Variants in TSPAN9 observed in about 807,000 individuals in gnomAD.
TSPAN9 encodes the protein tetraspanin 9.
Under a neutral mutation model 31.0 loss-of-function variants are expected in TSPAN9, and 16 were observed. The ratio of observed to expected loss-of-function variants is 0.52; its 90% CI spans 0.35 to 0.78. TSPAN9 has a LOEUF of 0.78. Among genes scored for constraint, TSPAN9 ranks in the 30% least tolerant of loss-of-function variants. TSPAN9 has a pLI of 0.01. For missense variants in TSPAN9, 272 were observed against 312.5 expected (o/e 0.87, Z 0.98); for synonymous variants, 145 against 121.6 (o/e 1.19, Z -1.27).
At chr12:3,247,218 G>A (rs981839595) in intron 3 of TSPAN9, among the ~76,000 whole-genome samples, 1 of 151,478 alleles carries the variant, frequency 6.6e-6, no homozygotes, top group Admixed American at 6.6e-5. Flanking sequence ...CTTGACAAAG[G>A]CCCATGAAAC....
At chr12:3,197,289 C>T (rs76237234) in intron 2 of TSPAN9, among the ~76,000 whole-genome samples, 12,745 of 152,228 alleles carry the variant, frequency 0.084, 613 homozygotes, top group South Asian at 0.17. Flanking sequence ...AAGCGGCAGC[C>T]GTGGGCCCCT....
intron 2 of TSPAN9, among the ~76,000 whole-genome samples, chr12:3,123,012 C>G (rs2098325832): frequency 6.6e-6 from 1 of 152,122 alleles, no homozygotes; most frequent in Admixed American, 6.5e-5. Context: ...GAGAGGCAGG[C>G]AGGATGCTAG....
intron 2 of TSPAN9, among the ~76,000 whole-genome samples, chr12:3,148,187 G>C (rs998976411): frequency 3.3e-5 from 5 of 151,720 alleles, no homozygotes; most frequent in Non-Finnish European, 7.4e-5. Context: ...CTAGTGTGTA[G>C]CCTGCTCATT....
At chr12:3,174,690 C>T (rs1442715347) in intron 2 of TSPAN9, among the ~76,000 whole-genome samples, 1 of 151,978 alleles carries the variant, frequency 6.6e-6, no homozygotes, top group African/African-American at 2.4e-5. Flanking sequence ...TCGCGCCATT[C>T]TCCTGCCTCA....
chr12:3,087,918 C>T (rs1411766672), intron 2 of TSPAN9, among the ~76,000 whole-genome samples: 1 of 152,196 alleles, frequency 6.6e-6, no homozygotes, highest in Non-Finnish European at 1.5e-5. Flanking sequence ...CTCCCCTGGC[C>T]ACCTGCCAGT....
chr12:3,138,519 AGTGGGGTAGTCAT>A (rs1367517394), intron 2 of TSPAN9, among the ~76,000 whole-genome samples: 4 of 151,400 alleles, frequency 2.6e-5, no homozygotes, highest in African/African-American at 9.7e-5. Context: ...GCAGGAGTGC[AGTGGGGTAGTCAT>A]GTGCAGCCTT....
At chr12:3,088,992 G>A (rs1033784939) in intron 2 of TSPAN9, among the ~76,000 whole-genome samples, 11 of 151,972 alleles carry the variant, frequency 7.2e-5, no homozygotes, top group Non-Finnish European at 1.3e-4. Context: ...CAGCACTTTG[G>A]GAGGCCGATG....
intron 3 of TSPAN9, among the ~76,000 whole-genome samples, chr12:3,209,459 G>A (rs2098377176): frequency 6.6e-6 from 1 of 152,078 alleles, no homozygotes; most frequent in African/African-American, 2.4e-5. Flanking sequence ...GTGTACATGT[G>A]GAGGCGTTTC....
chr12:3,128,182 A>G (rs112442880), intron 2 of TSPAN9, among the ~76,000 whole-genome samples: 2,929 of 152,202 alleles, frequency 0.019, 91 homozygotes, highest in African/African-American at 0.066. Flanking sequence ...GGTTTTTCCC[A>G]TTCTTGTCTC....
At chr12:3,217,729 A>G (rs2098382097) in intron 3 of TSPAN9, among the ~76,000 whole-genome samples, 1 of 151,860 alleles carries the variant, frequency 6.6e-6, no homozygotes, top group African/African-American at 2.4e-5. Context: ...CCTTCACCCC[A>G]GCATCTGATC....
chr12:3,093,069 C>A (rs2098305722), intron 2 of TSPAN9, among the ~76,000 whole-genome samples: 1 of 152,178 alleles, frequency 6.6e-6, no homozygotes, highest in African/African-American at 2.4e-5. Context: ...CTGGCGTTGT[C>A]CTGAATCATA....
At chr12:3,088,207 A>C (rs1348896528) in intron 2 of TSPAN9, among the ~76,000 whole-genome samples, 3 of 152,262 alleles carry the variant, frequency 2.0e-5, no homozygotes, top group Admixed American at 2.0e-4. Flanking sequence ...GGGAGATTCT[A>C]AACAGCTTTG....
Position 3,226,783 on chromosome 12 carries a change from TATATATA to T in TSPAN9, c.63+25528_63+25534del, listed in dbSNP as rs1565622646. Among the ~76,000 whole-genome samples, 6 of 16,902 alleles carry T rather than the reference TATATATA, an allele frequency of 3.5e-4. 1 individual carries two copies. The highest frequency in any genetic ancestry group is 1.2e-3 in the African/African-American group (4 of 3,452). 11.1% of individuals were successfully genotyped at this position (16,902 alleles called of 152,430 possible). On this transcript the variant is annotated intron_variant, in intron 3 of 8. Coordinates refer to ENST00000011898, the MANE Select transcript of TSPAN9 (RefSeq NM_006675.5). Reference sequence around the variant, plus strand: ...ATATATATATATATATATATATATATATATATATATATTTTTTTTTTTTTTTCCCTCT... The same window carrying T: ...ATATATATATATATATATATATATATTATATTTTTTTTTTTTTTTCCCTCT...
At chr12:3,087,540 A>G (rs558934019) in intron 2 of TSPAN9, among the ~76,000 whole-genome samples, 9 of 151,984 alleles carry the variant, frequency 5.9e-5, no homozygotes, top group Admixed American at 3.9e-4. Flanking sequence ...GGGCATGGTG[A>G]CTCACACCTG....
chr12:3,114,935 A>G (rs571263275), intron 2 of TSPAN9, among the ~76,000 whole-genome samples: 55 of 152,112 alleles, frequency 3.6e-4, no homozygotes, highest in African/African-American at 1.2e-3. Flanking sequence ...CTCACATACC[A>G]TAGAGTTTGT....
chr12:3,157,224 C>G (rs895471394), intron 2 of TSPAN9, among the ~76,000 whole-genome samples: 1 of 152,036 alleles, frequency 6.6e-6, no homozygotes, highest in Non-Finnish European at 1.5e-5. Context: ...CTCAGCCTCC[C>G]GAGTAGCTGG....
intron 3 of TSPAN9, among the ~76,000 whole-genome samples, chr12:3,249,725 C>A (rs1397240578): frequency 6.6e-6 from 1 of 152,148 alleles, no homozygotes; most frequent in Non-Finnish European, 1.5e-5. Flanking sequence ...GGGCAGACAT[C>A]CTTACCTTTG....
chr12:3,258,629 A>AAGGCCGC (rs1214565994), intron 3 of TSPAN9, among the ~76,000 whole-genome samples: 4 of 152,026 alleles, frequency 2.6e-5, no homozygotes, highest in Non-Finnish European at 5.9e-5. Context: ...TCCTCCCACC[A>AAGGCCGC]AGGCTGCAGG....
intron 7 of TSPAN9, among the ~76,000 whole-genome samples, 165 bp downstream of exon 7, chr12:3,281,494 TG>T (rs1862893934): frequency 7.7e-6 from 1 of 130,488 alleles, no homozygotes; most frequent in South Asian, 2.7e-4. Context: ...AAATGGGGGG[TG>T]GGGCTGGACC....
Sources: gnomAD v4.1 joint callset for allele counts (sites outside exome capture counted in the v4.1 genomes callset) on GRCh38, gnomAD v4.1.1 for gene constraint, MANE v1.5 for transcripts, NCBI Gene and HGNC (gene_info 2026-07-23, HGNC 2026-07-21) for gene names.